Variants in THSD7B observed in about 807,000 individuals in gnomAD.
THSD7B encodes the protein thrombospondin type 1 domain containing 7B, also known as thrombospondin type-1 domain-containing protein 7B.
A neutral mutation model predicts 213.6 loss-of-function variants in THSD7B; 138 were observed. The observed-to-expected ratio is 0.65, with a 90% CI of 0.56 to 0.74. THSD7B has a LOEUF of 0.74. THSD7B is among the 30% of genes least tolerant of loss of function. The pLI, the probability that THSD7B is intolerant of heterozygous loss-of-function variation, is 0.00. For synonymous variants in THSD7B, 742 were observed against 687.0 expected (o/e 1.08, Z -1.25); for missense variants, 1,931 against 1,991.5 (o/e 0.97, Z 0.58).
chr2:137,131,513 G>A (rs1362756511), intron 5 of THSD7B, among the ~76,000 whole-genome samples: 1 of 152,156 alleles, frequency 6.6e-6, no homozygotes, highest in Non-Finnish European at 1.5e-5. Flanking sequence ...ATGGTTTTAG[G>A]TCTAACAGGT....
intron 7 of THSD7B, among the ~76,000 whole-genome samples, chr2:137,205,937 TATTA>T (rs1383201369): frequency 3.3e-5 from 5 of 152,194 alleles, no homozygotes; most frequent in African/African-American, 1.2e-4. Flanking sequence ...TATTTTTACA[TATTA>T]ATACTATCTA....
At chr2:137,096,947 G>A (rs1283592853) in intron 4 of THSD7B, among the ~76,000 whole-genome samples, 1 of 152,192 alleles carries the variant, frequency 6.6e-6, no homozygotes, top group Non-Finnish European at 1.5e-5. Context: ...ATTTGCAGGT[G>A]TATTTGTTTC....
In THSD7B at chr2:137,056,414, C is replaced by T. The variant is rs1190531625; in HGVS notation, c.140-6C>T. The T allele has an allele frequency of 6.2e-7, 1 of 1,602,178 alleles. No individual in the cohort carries two copies. The highest frequency in any genetic ancestry group is 1.3e-5 in the African/African-American group (1 of 74,546). ...GTAATTAACATCCTTGTTTTTCTGC[C>T]TGTAGGTCCGTGGGGAAGGTGTACA... On this transcript the variant is annotated splice_polypyrimidine_tract_variant and splice_region_variant and intron_variant, in intron 2 of 27. Transcript: ENST00000409968.
At chr2:137,149,471 C>A (rs934023679) in intron 5 of THSD7B, among the ~76,000 whole-genome samples, 1 of 152,150 alleles carries the variant, frequency 6.6e-6, no homozygotes, top group Non-Finnish European at 1.5e-5. Flanking sequence ...TACTTGGGAC[C>A]TAGTGAATCC....
chr2:137,134,106 T>C (rs1189747892), intron 5 of THSD7B, among the ~76,000 whole-genome samples: 3 of 152,178 alleles, frequency 2.0e-5, no homozygotes, highest in Non-Finnish European at 2.9e-5. Flanking sequence ...CTAAGACCCT[T>C]ACAACATCCC....
chr2:137,647,474 C>T (rs1683057195), intron 21 of THSD7B, among the ~76,000 whole-genome samples: 1 of 138,000 alleles, frequency 7.2e-6, no homozygotes, highest in South Asian at 2.6e-4. Flanking sequence ...TCTCACTTCT[C>T]TTATTCTCCC....
At chr2:136,845,194 A>T (rs1234796955) in intron 1 of THSD7B, among the ~76,000 whole-genome samples, 1 of 152,218 alleles carries the variant, frequency 6.6e-6, no homozygotes, top group Non-Finnish European at 1.5e-5. Context: ...GCATTGGAGC[A>T]TCTGGGCACA....
intron 15 of THSD7B, among the ~76,000 whole-genome samples, chr2:137,530,780 C>A (rs1680382142): frequency 6.6e-6 from 1 of 151,920 alleles, no homozygotes; most frequent in South Asian, 2.1e-4. Context: ...TGGACTAAAG[C>A]ATATGCAAAC....
At chr2:137,143,029 A>G (rs891732088) in intron 5 of THSD7B, among the ~76,000 whole-genome samples, 2 of 152,154 alleles carry the variant, frequency 1.3e-5, no homozygotes, top group Non-Finnish European at 1.5e-5. Context: ...CATCCTACCA[A>G]GGTATATGTA....
At chr2:137,345,235 C>T (rs718632) in intron 12 of THSD7B, among the ~76,000 whole-genome samples, 138,362 of 151,696 alleles carry the variant, frequency 0.91, 63,773 homozygotes, top group Non-Finnish European at 0.99. Flanking sequence ...ACTGAATAAA[C>T]GGAAGAAACT....
At chr2:136,958,337 A>G (rs758798140) in intron 2 of THSD7B, among the ~76,000 whole-genome samples, 39 of 152,350 alleles carry the variant, frequency 2.6e-4, no homozygotes, top group Admixed American at 1.9e-3. Flanking sequence ...TGGGAAAATA[A>G]CTTAGTGGTT....
chr2:136,821,900 A>G (rs1399216944), intron 1 of THSD7B, among the ~76,000 whole-genome samples: 2 of 152,210 alleles, frequency 1.3e-5, no homozygotes, highest in Admixed American at 6.5e-5. Context: ...TGTGCTATGC[A>G]TAGGACCTAG....
chr2:137,406,647 A>G (rs1558786742), intron 13 of THSD7B, among the ~76,000 whole-genome samples: 1 of 152,214 alleles, frequency 6.6e-6, no homozygotes, highest in Non-Finnish European at 1.5e-5. Flanking sequence ...GTCTGAATGC[A>G]TTGCTTACCT....
rs1049135029 is a variant in THSD7B at position 136,977,750 on chromosome 2, A to G, written c.140-78670A>G. Among the ~76,000 whole-genome samples the G allele has an allele frequency of 1.4e-5, 2 of 147,376 alleles. 1 individual carries two copies. The highest frequency in any genetic ancestry group is 1.3e-4 in the Admixed American group (2 of 14,906). On this transcript the variant is annotated intron_variant, in intron 2 of 27. Coordinates refer to ENST00000409968, the MANE Select transcript of THSD7B (RefSeq NM_001316349.2). Reference sequence around the variant, plus strand: ...GAGTTATTCAGGAGTAGGTTTTTCAATTTCCATGTAGTTGTGTGGTTTTGA... The same window carrying G: ...GAGTTATTCAGGAGTAGGTTTTTCAGTTTCCATGTAGTTGTGTGGTTTTGA...
At chr2:136,828,418 G>T (rs557274593) in intron 1 of THSD7B, among the ~76,000 whole-genome samples, 1 of 152,120 alleles carries the variant, frequency 6.6e-6, no homozygotes, top group Admixed American at 6.5e-5. Context: ...AGTCAAACAT[G>T]TCATCATTTC....
Position 137,411,726 on chromosome 2 carries a change from T to G in THSD7B, c.2813T>G (p.Ile938Ser). Residue 938 changes from isoleucine to serine, a missense_variant, in exon 14 of 28, where the codon ATT (isoleucine) becomes AGT (serine). Physicochemically the swap from Ile to Ser is moderately radical, Grantham distance 142 (BLOSUM62 -2). Transcript: ENST00000409968. ...CCTTATGGAAACTGGTCAGATTGCA[T>G]TCTTCCAGAAGGCAGAAGGGAGCCT... ...SQPYGNWSDC[I>S]LPEGRREPHR... The G allele has an allele frequency of 6.2e-7, 1 of 1,613,970 alleles. No homozygotes were observed. The highest frequency in any genetic ancestry group is 8.5e-7 in the Non-Finnish European group (1 of 1,179,888).
At chr2:137,304,936 T>C (rs553679157) in intron 12 of THSD7B, among the ~76,000 whole-genome samples, 1 of 152,276 alleles carries the variant, frequency 6.6e-6, no homozygotes, top group African/African-American at 2.4e-5. Context: ...GTCTGTTTAA[T>C]GGTGAATGTT....
chr2:137,361,124 C>T (rs1685247019), intron 12 of THSD7B, among the ~76,000 whole-genome samples: 1 of 152,172 alleles, frequency 6.6e-6, no homozygotes, highest in South Asian at 2.1e-4. Flanking sequence ...TCCAACAGAC[C>T]TGTAGCTGAG....
At chr2:137,408,725 T>C (rs1686583500) in intron 13 of THSD7B, among the ~76,000 whole-genome samples, 1 of 152,186 alleles carries the variant, frequency 6.6e-6, no homozygotes, top group Non-Finnish European at 1.5e-5. Flanking sequence ...AATTGTTTCC[T>C]TTCATTTTCA....
Sources: allele counts gnomAD v4.1 joint callset (sites outside exome capture counted in the v4.1 genomes callset), GRCh38; gene constraint gnomAD v4.1.1; transcripts MANE v1.5; gene names NCBI Gene and HGNC (gene_info 2026-07-23, HGNC 2026-07-21).